Variants in FRK observed in about 807,000 individuals in gnomAD.
FRK encodes tyrosine-protein kinase FRK.
FRK carries 51 observed loss-of-function variants against 56.4 expected under a neutral mutation model. The ratio of observed to expected loss-of-function variants is 0.90; its 90% CI spans 0.72 to 1.14. The LOEUF (loss-of-function observed/expected upper bound fraction) is 1.14. Ranked by LOEUF, FRK falls within the 50% of genes most tolerant of loss-of-function variation. FRK has a pLI of 0.00. For missense variants in FRK, 570 were observed against 601.4 expected, an observed-to-expected ratio of 0.95 and a Z score of 0.55; for synonymous variants, 245 against 217.9, an observed-to-expected ratio of 1.12 and a Z score of -1.10.
At chr6:116,085,713 G>GGTGT in the FRK span, among the ~76,000 whole-genome samples, 4 of 149,286 alleles carry the variant, frequency 2.7e-5, no homozygotes, top group Admixed American at 1.3e-4. Context: ...TGTGTGTGTG[G>GGTGT]GTGTGTGTGT....
At chr6:115,980,052 G>C (rs557831286) in intron 2 of FRK, among the ~76,000 whole-genome samples, 1 of 151,992 alleles carries the variant, frequency 6.6e-6, no homozygotes, top group Admixed American at 6.6e-5. Flanking sequence ...AAAATACAAT[G>C]AGCAATATCA....
chr6:116,057,471 T>A (rs139884243), intron 1 of FRK, among the ~76,000 whole-genome samples: 1 of 152,184 alleles, frequency 6.6e-6, no homozygotes, highest in East Asian at 1.9e-4. Context: ...CTACTTGCAC[T>A]AAGAGTATTG....
chr6:116,028,279 A>G (rs762079080), intron 1 of FRK, among the ~76,000 whole-genome samples: 3 of 152,180 alleles, frequency 2.0e-5, no homozygotes, highest in Admixed American at 6.6e-5. Context: ...AATTTTCTAC[A>G]TATGTTCCTT....
intron 1 of FRK, among the ~76,000 whole-genome samples, chr6:116,035,921 C>A (rs1433261674): frequency 2.6e-5 from 4 of 152,098 alleles, no homozygotes; most frequent in Non-Finnish European, 5.9e-5. Flanking sequence ...GTATTACCTT[C>A]TCCCTATTCT....
At chr6:116,004,421 A>C (rs929838349) in intron 1 of FRK, among the ~76,000 whole-genome samples, 3 of 152,138 alleles carry the variant, frequency 2.0e-5, no homozygotes, top group Admixed American at 6.6e-5. Flanking sequence ...CAAATATTCC[A>C]ATCAAAGGAT....
At chr6:115,957,883 A>T (rs918074814) in intron 4 of FRK, among the ~76,000 whole-genome samples, 3 of 152,206 alleles carry the variant, frequency 2.0e-5, no homozygotes, top group African/African-American at 7.2e-5. Context: ...ACATTGTAAG[A>T]TCATTACCAA....
chr6:116,006,353 A>G (rs1379248034), intron 1 of FRK, among the ~76,000 whole-genome samples: 1 of 152,228 alleles, frequency 6.6e-6, no homozygotes, highest in African/African-American at 2.4e-5. Context: ...TTATACTTTC[A>G]CATTACAATT....
At chr6:116,045,227 A>G (rs1265627408) in intron 1 of FRK, among the ~76,000 whole-genome samples, 1 of 152,228 alleles carries the variant, frequency 6.6e-6, no homozygotes, top group Non-Finnish European at 1.5e-5. Flanking sequence ...AATTAGAAAA[A>G]AACTAATTTA....
intron 5 of FRK, among the ~76,000 whole-genome samples, chr6:115,947,038 G>T (rs1390024252): frequency 6.6e-6 from 1 of 152,000 alleles, no homozygotes; most frequent in Non-Finnish European, 1.5e-5. Context: ...AAGACAAGAA[G>T]GTTCTGGTAG....
chr6:116,053,592 A>G (rs546369177), intron 1 of FRK, among the ~76,000 whole-genome samples: 3 of 152,302 alleles, frequency 2.0e-5, no homozygotes, highest in East Asian at 3.9e-4. Flanking sequence ...TTTGAATCCA[A>G]TAGAACATTT....
the FRK span, among the ~76,000 whole-genome samples, chr6:116,079,025 G>T: frequency 2.6e-5 from 4 of 151,956 alleles, no homozygotes; most frequent in Admixed American, 2.6e-4. Context: ...GTATTCTGTT[G>T]GGATGCACTT....
chr6:116,075,829 C>G, the FRK span, among the ~76,000 whole-genome samples: 1 of 152,090 alleles, frequency 6.6e-6, no homozygotes, highest in Admixed American at 6.6e-5. Flanking sequence ...TAAGGCTGGA[C>G]TGAACAAAGT....
At chr6:116,014,165 A>T (rs1256423521) in intron 1 of FRK, among the ~76,000 whole-genome samples, 2 of 152,198 alleles carry the variant, frequency 1.3e-5, no homozygotes, top group African/African-American at 4.8e-5. Context: ...CAAGGTACTA[A>T]TCATATCATT....
chr6:115,939,118 A>T lies in FRK; in HGVS notation c.*3296T>A, dbSNP rs1165302547. 6.6e-6 allele frequency: 1 copy of T among 152,186 alleles called. No homozygotes were observed. Among genetic ancestry groups the T allele is most frequent in the African/African-American group, 2.4e-5 (1 of 41,448 alleles). The allele number at this position is 152,186 out of a possible 1,614,324, so 9.4% of individuals were successfully genotyped here. A position where few individuals can be genotyped will look rare whatever the true frequency, so the allele number is the denominator to read the frequency against. On this transcript the variant is annotated 3_prime_UTR_variant, in exon 8 of 8. Coordinates refer to ENST00000606080, the MANE Select transcript of FRK (RefSeq NM_002031.3). ...ATACTGGCAAACTGAGTGCAGCAGC[A>T]CATCAAAAAGCTTATCCACCACGAT...
At chr6:115,993,523 C>G (rs947644530) in intron 2 of FRK, among the ~76,000 whole-genome samples, 3 of 151,784 alleles carry the variant, frequency 2.0e-5, no homozygotes, top group Non-Finnish European at 2.9e-5. Flanking sequence ...TATTTTCAAT[C>G]TGCCAACACG....
chr6:115,968,254 A>G (rs1179879700), intron 3 of FRK, among the ~76,000 whole-genome samples: 1 of 152,222 alleles, frequency 6.6e-6, no homozygotes, highest in Admixed American at 6.5e-5. Flanking sequence ...AAACAAAACA[A>G]GCAAGACCCC....
At chr6:115,993,682 AGAACT>A (rs1774709534) in intron 2 of FRK, among the ~76,000 whole-genome samples, 1 of 152,048 alleles carries the variant, frequency 6.6e-6, no homozygotes, top group Non-Finnish European at 1.5e-5. Context: ...AAAATAAAAA[AGAACT>A]GAGGAAAGCT....
chr6:116,061,453 A>C (rs2114843915), upstream of FRK, among the ~76,000 whole-genome samples: 1 of 151,692 alleles, frequency 6.6e-6, no homozygotes, highest in Non-Finnish European at 1.5e-5. Context: ...CAACTAGGTG[A>C]CCAGTAGAGA....
intron 1 of FRK, among the ~76,000 whole-genome samples, chr6:116,027,469 T>C (rs1474258688): frequency 6.6e-6 from 1 of 152,148 alleles, no homozygotes; most frequent in African/African-American, 2.4e-5. Context: ...ATTATCAAAG[T>C]ACAGTGTCAG....
Sources: gnomAD v4.1 joint callset for allele counts (sites outside exome capture counted in the v4.1 genomes callset) on GRCh38, gnomAD v4.1.1 for gene constraint, MANE v1.5 for transcripts, NCBI Gene and HGNC (gene_info 2026-07-23, HGNC 2026-07-21) for gene names.